NDST3: variants seen among roughly 807,000 people sequenced by gnomAD.
The protein encoded by NDST3 is bifunctional heparan sulfate N-deacetylase/N-sulfotransferase 3.
NDST3 carries 58 observed loss-of-function variants against 96.1 expected under a neutral mutation model. The ratio of observed to expected loss-of-function variants is 0.60; its 90% CI spans 0.49 to 0.75. The LOEUF (loss-of-function observed/expected upper bound fraction) is 0.75. Ranked by LOEUF, NDST3 falls within the 30% of genes least tolerant of loss-of-function variation. The probability of loss-of-function intolerance (pLI) is 0.00; values close to 1 mark genes in which losing one functional copy is unlikely to be tolerated. For synonymous variants in NDST3, 333 were observed against 359.7 expected (o/e 0.93, Z 0.84); for missense variants, 788 against 1,034.2 (o/e 0.76, Z 3.27).
chr4:118,067,761 G>C (rs553177454), intron 2 of NDST3, among the ~76,000 whole-genome samples: 40 of 152,112 alleles, frequency 2.6e-4, no homozygotes, highest in African/African-American at 9.6e-4. Context: ...TGTGGAGGGT[G>C]GGGGTGATGG....
At chr4:118,148,097 G>A (rs1578726862) in intron 6 of NDST3, among the ~76,000 whole-genome samples, 1 of 152,156 alleles carries the variant, frequency 6.6e-6, no homozygotes, top group Admixed American at 6.5e-5. Context: ...AGGAGATCAA[G>A]ACCATCCTGG....
At chr4:118,051,791 TC>T (rs1188888947) in intron 1 of NDST3, among the ~76,000 whole-genome samples, 5 of 152,132 alleles carry the variant, frequency 3.3e-5, no homozygotes, top group African/African-American at 1.2e-4. Context: ...AAAATGTTCA[TC>T]ATCACTAATC....
At chr4:118,243,242 G>C (rs1164713426) in intron 12 of NDST3, among the ~76,000 whole-genome samples, 1 of 152,100 alleles carries the variant, frequency 6.6e-6, no homozygotes, top group African/African-American at 2.4e-5. Flanking sequence ...TAGAAAGTGA[G>C]AGGCAGGTTT....
chr4:118,116,919 G>A (rs1301193334), intron 4 of NDST3, among the ~76,000 whole-genome samples: 4 of 151,734 alleles, frequency 2.6e-5, no homozygotes, highest in Admixed American at 2.6e-4. Flanking sequence ...ATGCACAGGA[G>A]TTACATGCAT....
At chr4:118,047,651 A>G (rs1724846073) in intron 1 of NDST3, among the ~76,000 whole-genome samples, 2 of 152,230 alleles carry the variant, frequency 1.3e-5, no homozygotes, top group South Asian at 4.1e-4. Flanking sequence ...AAAGAACTTC[A>G]GAGCTTGAAG....
At chr4:118,054,990 G>A (rs747523019) in intron 2 of NDST3, 99 bp downstream of exon 2, 2 of 1,466,902 alleles carry the variant, frequency 1.4e-6, no homozygotes, top group African/African-American at 1.4e-5. Context: ...CAGGACATGG[G>A]ATTTACTGGG....
intron 6 of NDST3, among the ~76,000 whole-genome samples, chr4:118,204,998 C>T (rs1344302589): frequency 1.4e-5 from 2 of 144,272 alleles, no homozygotes; most frequent in Non-Finnish European, 3.1e-5. Context: ...ATTAAAGTTG[C>T]TTTTTACTTC....
intron 9 of NDST3, among the ~76,000 whole-genome samples, chr4:118,233,811 C>G (rs1740466351): frequency 6.6e-6 from 1 of 152,116 alleles, no homozygotes; most frequent in African/African-American, 2.4e-5. Context: ...TAATGCTGAA[C>G]AGAGGGTGGT....
At chr4:118,048,642 A>T (rs1241733698) in intron 1 of NDST3, among the ~76,000 whole-genome samples, 2 of 152,210 alleles carry the variant, frequency 1.3e-5, no homozygotes, top group Non-Finnish European at 2.9e-5. Context: ...AGGGCAATAC[A>T]TAACAATAAA....
chr4:118,072,986 T>C (rs969844373), intron 2 of NDST3, among the ~76,000 whole-genome samples: 46 of 152,180 alleles, frequency 3.0e-4, no homozygotes, highest in Admixed American at 7.2e-4. Context: ...GAGATAATCA[T>C]GTGGTTTTTG....
In NDST3 at chr4:118,176,101, G is replaced by A. The variant is rs187036742; in HGVS notation, c.1539+32417G>A. 2.2e-4 allele frequency among the ~76,000 whole-genome samples: 33 copies of A among 151,630 alleles called. No homozygotes were observed. The Middle Eastern group carries it at 0.01, about 47-fold the overall frequency. On this transcript the variant is annotated intron_variant, in intron 6 of 13. Transcript: ENST00000296499. ...AGGTTAAAATTTTTGGCAATTTTTT[G>A]TACTCCTCGAATATCTAATTATTTA...
intron 8 of NDST3, among the ~76,000 whole-genome samples, chr4:118,231,190 G>A (rs906868727): frequency 6.6e-6 from 1 of 151,850 alleles, no homozygotes; most frequent in Non-Finnish European, 1.5e-5. Context: ...ACAAAAATTA[G>A]CTGGGCATGG....
At chr4:118,190,517 T>C (rs902183947) in intron 6 of NDST3, among the ~76,000 whole-genome samples, 1 of 152,186 alleles carries the variant, frequency 6.6e-6, no homozygotes, top group African/African-American at 2.4e-5. Flanking sequence ...CCCAGTCATC[T>C]TGGGTCCCAA....
chr4:118,125,432 T>C (rs530976126), intron 4 of NDST3, among the ~76,000 whole-genome samples: 6 of 152,208 alleles, frequency 3.9e-5, no homozygotes, highest in East Asian at 1.9e-4. Flanking sequence ...ATTTATATTA[T>C]AAATCAAGGA....
intron 6 of NDST3, among the ~76,000 whole-genome samples, chr4:118,151,584 G>A (rs1048823769): frequency 6.6e-6 from 1 of 152,010 alleles, no homozygotes; most frequent in Non-Finnish European, 1.5e-5. Context: ...TAAATGTTAG[G>A]ATCAGGCAAA....
rs74661834 is a variant in NDST3, at chr4:118,108,544, A to G, written c.1069+3439A>G. 9.3e-3 allele frequency among the ~76,000 whole-genome samples: 1,420 copies of G among 152,292 alleles called. 15 individuals are homozygous for G. Among genetic ancestry groups the G allele is most frequent in the African/African-American group, 0.032 (1,339 of 41,570 alleles). ...ATATCATGCTGAGAATTCTATCTAT[A>G]TACTACTAACATCAATATAATCTCC... On this transcript the variant is annotated intron_variant, in intron 3 of 13. Coordinates refer to ENST00000296499, the MANE Select transcript of NDST3 (RefSeq NM_004784.3).
chr4:118,250,876 T>C (rs1741661165), intron 12 of NDST3, among the ~76,000 whole-genome samples: 1 of 151,996 alleles, frequency 6.6e-6, no homozygotes, highest in Admixed American at 6.6e-5. Context: ...GATATATTTT[T>C]TACAAATGTT....
chr4:118,105,170 C>A, intron 3 of NDST3, 65 bp downstream of exon 3: 1 of 1,206,456 alleles, frequency 8.3e-7, no homozygotes, highest in South Asian at 1.3e-5. Flanking sequence ...AAATTGCACA[C>A]TTTTCCTGCC....
intron 2 of NDST3, among the ~76,000 whole-genome samples, chr4:118,077,656 C>T (rs1006917067): frequency 1.3e-5 from 2 of 152,188 alleles, no homozygotes; most frequent in African/African-American, 4.8e-5. Context: ...GGGAGGTACA[C>T]CCCATGCCTC....
Sources: allele counts gnomAD v4.1 joint callset (sites outside exome capture counted in the v4.1 genomes callset), GRCh38; gene constraint gnomAD v4.1.1; transcripts MANE v1.5; gene names NCBI Gene and HGNC (gene_info 2026-07-23, HGNC 2026-07-21).